The following ADAMTS2 variants were observed in gnomAD, a reference collection of about 807,000 sequenced individuals.
ADAMTS2 encodes ADAM metallopeptidase with thrombospondin type 1 motif 2.
In ADAMTS2, 50 loss-of-function variants were observed where a neutral mutation model predicts 123.0. That is an observed-to-expected ratio of 0.41 (90% CI 0.32 to 0.51). The LOEUF (loss-of-function observed/expected upper bound fraction) is 0.51, where lower values mean the gene tolerates loss of function less well. ADAMTS2 is among the 20% of genes least tolerant of loss of function. The pLI, the probability that ADAMTS2 is intolerant of heterozygous loss-of-function variation, is 0.35. For synonymous variants in ADAMTS2, 678 were observed against 695.4 expected, an observed-to-expected ratio of 0.98 and a Z score of 0.39; for missense variants, 1,494 against 1,705.2, an observed-to-expected ratio of 0.88 and a Z score of 2.18.
rs1764016559 is a variant in ADAMTS2 at position 179,180,254 on chromosome 5, C to T, written c.975+818G>A. Among the ~76,000 whole-genome samples, 1 of 152,214 alleles carries T rather than the reference C, an allele frequency of 6.6e-6. No homozygotes were observed. The highest frequency in any genetic ancestry group is 2.4e-5 in the African/African-American group (1 of 41,444). The stretch of plus-strand genomic sequence containing the variant: ...CCGTGTTGCCATCCCAGGTCACTGT[C>T]CCTGGCGGCTACACACCCATGCACA... On this transcript the variant is annotated intron_variant, in intron 5 of 21. Coordinates refer to ENST00000251582, the MANE Select transcript of ADAMTS2 (RefSeq NM_014244.5). The surrounding 1 kb of genome is among the most constrained non-coding windows in gnomAD (Gnocchi z 4.6).
At chr5:179,201,743 A>G (rs559971590) in intron 4 of ADAMTS2, among the ~76,000 whole-genome samples, 15 of 151,974 alleles carry the variant, frequency 9.9e-5, no homozygotes, top group Non-Finnish European at 1.8e-4. Flanking sequence ...AAGAGGTTGC[A>G]GTGAGCCAAG....
intron 2 of ADAMTS2, among the ~76,000 whole-genome samples, chr5:179,309,864 G>A (rs1756779620): frequency 6.6e-6 from 1 of 151,886 alleles, no homozygotes; most frequent in African/African-American, 2.4e-5. Flanking sequence ...TAGGGGAGGA[G>A]CTCTGAGGGC....
chr5:179,198,813 G>A (rs1250801321), intron 4 of ADAMTS2, among the ~76,000 whole-genome samples: 2 of 149,984 alleles, frequency 1.3e-5, no homozygotes, highest in African/African-American at 4.9e-5. Flanking sequence ...CAGCCCGGGC[G>A]ACAGAGCAAG....
At chr5:179,186,927 C>T (rs1038449921) in intron 4 of ADAMTS2, among the ~76,000 whole-genome samples, 2 of 149,912 alleles carry the variant, frequency 1.3e-5, no homozygotes, top group Non-Finnish European at 3.0e-5. Flanking sequence ...AAACCCTCAA[C>T]GGCTCTCCAG....
At chr5:179,337,292 G>A (rs1757638071) in intron 2 of ADAMTS2, among the ~76,000 whole-genome samples, 2 of 152,000 alleles carry the variant, frequency 1.3e-5, no homozygotes, top group Non-Finnish European at 2.9e-5. Flanking sequence ...TCTACAGAGT[G>A]CAGGAAACCC....
chr5:179,228,945 C>T lies in ADAMTS2; in HGVS notation c.689-21230G>A, dbSNP rs534541946. 1.3e-5 allele frequency among the ~76,000 whole-genome samples: 2 copies of T among 152,292 alleles called. No homozygotes were observed. The highest frequency in any genetic ancestry group is 2.1e-4 in the South Asian group (1 of 4,826). On this transcript the variant is annotated intron_variant, in intron 3 of 21. Transcript: ENST00000251582. This position sits in a 1 kb window ranked among gnomAD's most constrained non-coding sequence, Gnocchi z 5.2. Reference sequence around the variant, plus strand: ...CTGGCTGGATCCTGAGCTCCTCCCCCGGCCTGTGCTTGAGAGGTGACAGCC... The same window carrying T: ...CTGGCTGGATCCTGAGCTCCTCCCCTGGCCTGTGCTTGAGAGGTGACAGCC...
chr5:179,137,711 C>T, intron 12 of ADAMTS2, 58 bp downstream of exon 12: 1 of 1,442,058 alleles, frequency 6.9e-7, no homozygotes, highest in Non-Finnish European at 9.4e-7. Context: ...AGCCCCCACC[C>T]TGCCCACCCT....
chr5:179,334,816 G>A (rs1423123486), intron 2 of ADAMTS2, among the ~76,000 whole-genome samples: 1 of 152,046 alleles, frequency 6.6e-6, no homozygotes, highest in African/African-American at 2.4e-5. Context: ...AGTATTCAAT[G>A]AGCAATGGCA....
chr5:179,270,321 C>G (rs551115828), intron 3 of ADAMTS2, among the ~76,000 whole-genome samples: 9 of 152,316 alleles, frequency 5.9e-5, no homozygotes, highest in Admixed American at 1.3e-4. Flanking sequence ...GCCCATCCCC[C>G]ACTGGGACAC....
intron 2 of ADAMTS2, among the ~76,000 whole-genome samples, chr5:179,330,955 C>T (rs1029559922): frequency 6.6e-6 from 1 of 152,156 alleles, no homozygotes; most frequent in Admixed American, 6.5e-5. Flanking sequence ...CCTGCTTGTA[C>T]AGGTGGGGAG....
intron 2 of ADAMTS2, among the ~76,000 whole-genome samples, chr5:179,322,167 G>A (rs1455339433): frequency 6.6e-6 from 1 of 152,180 alleles, no homozygotes; most frequent in Non-Finnish European, 1.5e-5. Flanking sequence ...TTATATGAAG[G>A]CACATACGAC....
rs372898523 is a variant in ADAMTS2, at chr5:179,207,479, C to T, written c.891+34G>A. 134 of 873,846 alleles carry T rather than the reference C, an allele frequency of 1.5e-4. 2 individuals are homozygous for T. The highest frequency in any genetic ancestry group is 1.9e-4 in the Non-Finnish European group (100 of 527,024). 54.1% of individuals were successfully genotyped at this position (873,846 alleles called of 1,614,324 possible). A position where few individuals can be genotyped will look rare whatever the true frequency, so the allele number is the denominator to read the frequency against. ...TGCCCAGCCCCTGGTTGACCCTCCCCGCCCCACCCTGCCCCCTCAGCCACC... is the reference window on the plus strand; with the variant it reads ...TGCCCAGCCCCTGGTTGACCCTCCCTGCCCCACCCTGCCCCCTCAGCCACC... On this transcript the variant is annotated intron_variant, in intron 4 of 21. Coordinates refer to ENST00000251582, the MANE Select transcript of ADAMTS2 (RefSeq NM_014244.5).
chr5:179,125,518 C>T (rs1252284365), intron 18 of ADAMTS2, among the ~76,000 whole-genome samples: 2 of 152,176 alleles, frequency 1.3e-5, no homozygotes, highest in African/African-American at 4.8e-5. Flanking sequence ...CCTGGCCTCA[C>T]CTTCTGCTGA....
Position 179,132,384 on chromosome 5 carries a change from G to T in ADAMTS2, c.2210-74C>A. 7.0e-7 allele frequency: 1 copy of T among 1,434,270 alleles called. No homozygotes were observed. Among genetic ancestry groups the T allele is most frequent in the Non-Finnish European group, 9.7e-7 (1 of 1,026,324 alleles). 88.8% of individuals were successfully genotyped at this position (1,434,270 alleles called of 1,614,324 possible). On this transcript the variant is annotated intron_variant, in intron 14 of 21. Transcript: ENST00000251582. This position sits in a 1 kb window ranked among gnomAD's most constrained non-coding sequence, Gnocchi z 6.1. ...CTCAAATTCGCACCATGCAAGGAGG[G>T]GCCTCGCTCTTGAAGGCAGCTCCTC...
intron 9 of ADAMTS2, among the ~76,000 whole-genome samples, chr5:179,153,098 C>T (rs998809634): frequency 2.6e-5 from 4 of 152,118 alleles, no homozygotes; most frequent in African/African-American, 4.8e-5. Flanking sequence ...CTGTGCCTGC[C>T]GCGCTCTCCT....
chr5:179,223,557 C>T (rs1056630774), intron 3 of ADAMTS2, among the ~76,000 whole-genome samples: 1 of 31,614 alleles, frequency 3.2e-5, no homozygotes, highest in Non-Finnish European at 7.4e-5. Context: ...AATGCACTCA[C>T]ACACACGCGA....
At chr5:179,206,145 G>A (rs1476276650) in intron 4 of ADAMTS2, among the ~76,000 whole-genome samples, 1 of 152,210 alleles carries the variant, frequency 6.6e-6, no homozygotes, top group Non-Finnish European at 1.5e-5. Flanking sequence ...AACGAATTCT[G>A]CCGATGCAGC....
At chr5:179,267,439 C>T (rs888382898) in intron 3 of ADAMTS2, among the ~76,000 whole-genome samples, 16 of 152,334 alleles carry the variant, frequency 1.1e-4, no homozygotes, top group Middle Eastern at 3.4e-3. Flanking sequence ...TTGGCACCGG[C>T]GGTGTCTGGG....
At chr5:179,301,399 G>T (rs1756512674) in intron 2 of ADAMTS2, among the ~76,000 whole-genome samples, 1 of 152,182 alleles carries the variant, frequency 6.6e-6, no homozygotes, top group Non-Finnish European at 1.5e-5. Flanking sequence ...GATAATGAAG[G>T]CAAAGGAAGT....
Sources: allele counts gnomAD v4.1 joint callset (sites outside exome capture counted in the v4.1 genomes callset), GRCh38; gene constraint gnomAD v4.1.1; non-coding constraint Gnocchi (gnomAD v3.1); transcripts MANE v1.5; gene names NCBI Gene and HGNC (gene_info 2026-07-23, HGNC 2026-07-21).